Variants in SKAP2 observed in about 807,000 individuals in gnomAD.
SKAP2 encodes src kinase-associated phosphoprotein 2.
A neutral mutation model predicts 54.9 loss-of-function variants in SKAP2; 28 were observed. The ratio of observed to expected loss-of-function variants is 0.51; its 90% CI spans 0.38 to 0.70. The LOEUF is 0.70. Ranked by LOEUF, SKAP2 falls within the 30% of genes least tolerant of loss-of-function variation. The pLI is 0.00. For missense variants in SKAP2, 356 were observed against 424.1 expected (o/e 0.84, Z 1.41); for synonymous variants, 137 against 134.3 (o/e 1.02, Z -0.14).
intron 9 of SKAP2, among the ~76,000 whole-genome samples, chr7:26,723,851 C>G (rs900444601): frequency 4.6e-5 from 7 of 152,060 alleles, no homozygotes; most frequent in Admixed American, 2.0e-4. Flanking sequence ...ATGTATTCCA[C>G]TCTTCCATTT....
At chr7:26,657,951 A>G in the SKAP2 span, among the ~76,000 whole-genome samples, 1 of 152,116 alleles carries the variant, frequency 6.6e-6, no homozygotes, top group Non-Finnish European at 1.5e-5. Context: ...CAGGAAAGTG[A>G]ACAATATATA....
chr7:26,689,724 T>A (rs1244243136), intron 10 of SKAP2, among the ~76,000 whole-genome samples: 1 of 152,198 alleles, frequency 6.6e-6, no homozygotes, highest in East Asian at 1.9e-4. Context: ...CAATTAGCAG[T>A]CTTAAGTTTA....
chr7:26,660,810 T>G, the SKAP2 span, among the ~76,000 whole-genome samples: 141 of 152,176 alleles, frequency 9.3e-4, no homozygotes, highest in African/African-American at 3.2e-3. Flanking sequence ...GCTGATAGAA[T>G]TGATTAATGG....
chr7:26,843,423 G>A (rs147340555), intron 4 of SKAP2, among the ~76,000 whole-genome samples: 274 of 151,988 alleles, frequency 1.8e-3, no homozygotes, highest in African/African-American at 5.7e-3. Flanking sequence ...TCATAACTTT[G>A]GCAACATTCA....
In SKAP2 at chr7:26,670,230, G is replaced by T. The variant is rs200126735; in HGVS notation, c.988-38C>A. On this transcript the variant is annotated intron_variant, in intron 11 of 12. Transcript: ENST00000345317. ...AATATGCAATATTAACCTTTAGACT[G>T]GTGTAAGTACAATGTCGTTTGTATG... The T allele has an allele frequency of 1.6e-4, 150 of 920,776 alleles. 1 individual carries two copies. In the East Asian group the frequency reaches 2.3e-3, roughly 14 times the overall value. The allele number at this position is 920,776 out of a possible 1,614,324, so 57.0% of individuals were successfully genotyped here.
intron 9 of SKAP2, among the ~76,000 whole-genome samples, chr7:26,696,351 G>A (rs1786895336): frequency 6.6e-6 from 1 of 152,118 alleles, no homozygotes; most frequent in South Asian, 2.1e-4. Context: ...TGGAAATTTG[G>A]CAAAGTGGGG....
At chr7:26,786,541 G>A (rs1427532288) in intron 4 of SKAP2, among the ~76,000 whole-genome samples, 4 of 152,212 alleles carry the variant, frequency 2.6e-5, no homozygotes, top group African/African-American at 4.8e-5. Flanking sequence ...GGTCAAGATG[G>A]GGGAAGGTGG....
chr7:26,766,047 T>C (rs1212341809), intron 4 of SKAP2, among the ~76,000 whole-genome samples: 1 of 152,218 alleles, frequency 6.6e-6, no homozygotes, highest in African/African-American at 2.4e-5. Flanking sequence ...ATTGAATCTA[T>C]AAATTACTTT....
intron 4 of SKAP2, among the ~76,000 whole-genome samples, chr7:26,744,485 G>A (rs1055389758): frequency 1.3e-5 from 2 of 152,028 alleles, no homozygotes; most frequent in African/African-American, 2.4e-5. Context: ...AGAACAGCAC[G>A]CAAGTCCCTT....
intron 7 of SKAP2, among the ~76,000 whole-genome samples, chr7:26,726,502 T>G (rs1584354071): frequency 2.0e-5 from 3 of 152,256 alleles, no homozygotes; most frequent in Middle Eastern, 6.8e-3. Context: ...CCCACACTCC[T>G]AAGCAATACA....
intron 7 of SKAP2, 181 bp downstream of exon 7, chr7:26,726,701 T>C (rs2127956346): frequency 6.4e-6 from 3 of 466,686 alleles, no homozygotes; most frequent in Non-Finnish European, 1.1e-5. Context: ...AGTGTGTGAA[T>C]TAATCTGAAA....
intron 11 of SKAP2, among the ~76,000 whole-genome samples, chr7:26,674,277 G>C (rs528721483): frequency 1.3e-5 from 2 of 152,104 alleles, no homozygotes; most frequent in South Asian, 4.1e-4. Context: ...AAGAACCAAT[G>C]GACTTGACTG....
At chr7:26,769,912 A>G (rs1783147162) in intron 4 of SKAP2, among the ~76,000 whole-genome samples, 1 of 152,150 alleles carries the variant, frequency 6.6e-6, no homozygotes, top group African/African-American at 2.4e-5. Context: ...GGTGTCTCCC[A>G]GTCAGGAGGC....
intron 4 of SKAP2, among the ~76,000 whole-genome samples, chr7:26,839,229 T>C (rs995784442): frequency 6.6e-6 from 1 of 152,170 alleles, no homozygotes; most frequent in African/African-American, 2.4e-5. Context: ...ATCTGTGTAC[T>C]TTATATCCCC....
intron 3 of SKAP2, among the ~76,000 whole-genome samples, chr7:26,852,285 A>C (rs1192482582): frequency 6.6e-6 from 1 of 152,234 alleles, no homozygotes; most frequent in Non-Finnish European, 1.5e-5. Context: ...CTATATATTG[A>C]ATAATTACTT....
At chr7:26,766,896 C>A (rs1039282621) in intron 4 of SKAP2, among the ~76,000 whole-genome samples, 1 of 152,098 alleles carries the variant, frequency 6.6e-6, no homozygotes, top group Admixed American at 6.6e-5. Context: ...ATTTTCACAT[C>A]GATGTTCATC....
At chr7:26,819,830 T>C (rs1164648668) in intron 4 of SKAP2, among the ~76,000 whole-genome samples, 1 of 151,988 alleles carries the variant, frequency 6.6e-6, no homozygotes, top group African/African-American at 2.4e-5. Flanking sequence ...TATTTAGGAA[T>C]GGCATGTGGA....
chr7:26,837,452 A>T (rs954950066), intron 4 of SKAP2, among the ~76,000 whole-genome samples: 6 of 152,122 alleles, frequency 3.9e-5, no homozygotes, highest in Non-Finnish European at 5.9e-5. Context: ...ATCATGGTGG[A>T]AGGCAAAGCG....
intron 4 of SKAP2, among the ~76,000 whole-genome samples, chr7:26,787,794 G>A (rs758474106): frequency 6.6e-6 from 1 of 152,130 alleles, no homozygotes; most frequent in Non-Finnish European, 1.5e-5. Flanking sequence ...AGCCATGAGG[G>A]ATCTGCCCGC....
Sources: gnomAD v4.1 joint callset for allele counts (sites outside exome capture counted in the v4.1 genomes callset) on GRCh38, gnomAD v4.1.1 for gene constraint, MANE v1.5 for transcripts, NCBI Gene and HGNC (gene_info 2026-07-23, HGNC 2026-07-21) for gene names.